Variants in PDE4D observed in about 807,000 individuals in gnomAD.
PDE4D encodes 3',5'-cyclic-AMP phosphodiesterase 4D.
A neutral mutation model predicts 87.4 loss-of-function variants in PDE4D; 24 were observed. The ratio of observed to expected loss-of-function variants is 0.27; its 90% CI spans 0.20 to 0.39. The LOEUF is 0.39. Among genes scored for constraint, PDE4D ranks in the 10% least tolerant of loss-of-function variants. The pLI is 1.00. For synonymous variants in PDE4D, 384 were observed against 383.2 expected (o/e 1.00, Z -0.02); for missense variants, 714 against 1,041.0 (o/e 0.69, Z 4.32).
chr5:60,215,447 A>G (rs940255224), intron 1 of PDE4D, among the ~76,000 whole-genome samples: 3 of 152,140 alleles, frequency 2.0e-5, no homozygotes, highest in Admixed American at 1.3e-4. Context: ...ATATGAATCT[A>G]TCTCTTACCC....
chr5:60,314,368 T>C (rs1755340973), intron 1 of PDE4D, among the ~76,000 whole-genome samples: 1 of 152,090 alleles, frequency 6.6e-6, no homozygotes, highest in South Asian at 2.1e-4. Flanking sequence ...GGTTTCACCA[T>C]GTTGCCCAGG....
intron 1 of PDE4D, among the ~76,000 whole-genome samples, chr5:59,521,767 T>C (rs1252929350): frequency 2.0e-5 from 3 of 152,212 alleles, no homozygotes; most frequent in African/African-American, 7.2e-5. Context: ...TGTCCTCTTC[T>C]TATTTGATCC....
intron 1 of PDE4D, among the ~76,000 whole-genome samples, chr5:60,326,564 C>T (rs888397409): frequency 3.9e-5 from 6 of 152,048 alleles, no homozygotes; most frequent in Non-Finnish European, 7.4e-5. Context: ...AACAACCAGT[C>T]GAGTGACCCA....
intron 1 of PDE4D, among the ~76,000 whole-genome samples, chr5:60,362,950 T>G (rs1164031119): frequency 6.6e-6 from 1 of 152,204 alleles, no homozygotes; most frequent in Non-Finnish European, 1.5e-5. Flanking sequence ...ATGAGCCACT[T>G]ATAAACAATT....
At chr5:59,135,306 T>C (rs114287735) in intron 5 of PDE4D, among the ~76,000 whole-genome samples, 3 of 152,252 alleles carry the variant, frequency 2.0e-5, no homozygotes, top group African/African-American at 7.2e-5. Flanking sequence ...GTCCATTTTA[T>C]GAGTACTTTG....
At chr5:60,357,524 G>A (rs1489311364) in intron 1 of PDE4D, among the ~76,000 whole-genome samples, 1 of 151,874 alleles carries the variant, frequency 6.6e-6, no homozygotes, top group African/African-American at 2.4e-5. Context: ...TCTTATCCTG[G>A]GACTAGAGCC....
chr5:59,556,727 T>C (rs1818994526), intron 1 of PDE4D, among the ~76,000 whole-genome samples: 1 of 152,186 alleles, frequency 6.6e-6, no homozygotes, highest in Non-Finnish European at 1.5e-5. Flanking sequence ...ATTATTGAAA[T>C]ATTCACTTTC....
intron 2 of PDE4D, among the ~76,000 whole-genome samples, chr5:60,152,985 T>C (rs1384057659): frequency 6.6e-6 from 1 of 152,142 alleles, no homozygotes; most frequent in Non-Finnish European, 1.5e-5. Context: ...ATTTCTTGGA[T>C]ATGACATCAA....
chr5:60,325,525 G>A (rs895386405), intron 1 of PDE4D, among the ~76,000 whole-genome samples: 3 of 152,072 alleles, frequency 2.0e-5, no homozygotes, highest in South Asian at 4.1e-4. Context: ...TTTAAGAAAC[G>A]GATGGGTAAC....
chr5:59,186,384 T>C (rs1177614509), intron 3 of PDE4D, among the ~76,000 whole-genome samples: 1 of 152,154 alleles, frequency 6.6e-6, no homozygotes, highest in Non-Finnish European at 1.5e-5. Context: ...GCCTGGCAAA[T>C]AGAAAGCATT....
intron 1 of PDE4D, among the ~76,000 whole-genome samples, chr5:60,516,678 A>T (rs1450197623): frequency 6.6e-6 from 1 of 152,258 alleles, no homozygotes; most frequent in Non-Finnish European, 1.5e-5. Context: ...AACAATAATG[A>T]GAATTAATAT....
At chr5:59,187,543 T>G (rs1273024811) in intron 3 of PDE4D, among the ~76,000 whole-genome samples, 5 of 152,204 alleles carry the variant, frequency 3.3e-5, no homozygotes, top group African/African-American at 1.2e-4. Flanking sequence ...TTTTACATAA[T>G]TACAAGCTAT....
chr5:60,163,440 AGTCTTTCCTC>A (rs1390951186), intron 2 of PDE4D, among the ~76,000 whole-genome samples: 1 of 152,178 alleles, frequency 6.6e-6, no homozygotes, highest in Non-Finnish European at 1.5e-5. Context: ...TGTTTCCAGC[AGTCTTTCCTC>A]TTTATAATAG....
chr5:59,896,732 C>T (rs1228745033), upstream of PDE4D, among the ~76,000 whole-genome samples: 3 of 152,218 alleles, frequency 2.0e-5, no homozygotes, highest in Non-Finnish European at 4.4e-5. Context: ...GTCTCAAATA[C>T]TTCTAGGGAA....
intron 5 of PDE4D, chr5:59,166,441 A>G (rs1781936009): frequency 1.3e-5 from 2 of 152,190 alleles, no homozygotes; most frequent in South Asian, 4.1e-4. Flanking sequence ...GGGTCTGTAG[A>G]AAGACAGACT....
intron 1 of PDE4D, among the ~76,000 whole-genome samples, chr5:59,616,945 A>ATATATCTC: frequency 7.3e-6 from 1 of 137,278 alleles, no homozygotes; most frequent in Non-Finnish European, 1.6e-5. Context: ...ATATATATAT[A>ATATATCTC]TCTCCAAGAT....
At chr5:59,315,884 A>G (rs773636495) in intron 1 of PDE4D, among the ~76,000 whole-genome samples, 7 of 152,178 alleles carry the variant, frequency 4.6e-5, no homozygotes, top group African/African-American at 7.2e-5. Context: ...GCTGGCCCAA[A>G]AGGAAGTATG....
Position 59,493,441 on chromosome 5 carries a change from C to T in PDE4D, c.456-277473G>A, listed in dbSNP as rs113410406. On this transcript the variant is annotated intron_variant, in intron 1 of 14. Coordinates refer to ENST00000340635, the MANE Select transcript of PDE4D (RefSeq NM_001104631.2). ...GGAATCGAGTTTACTATTTGGTAAA[C>T]AGTTCAATATACTGTAATAAACTAG... Among the ~76,000 whole-genome samples, 291 of 152,254 alleles carry T rather than the reference C, an allele frequency of 1.9e-3. 3 individuals are homozygous for T. The highest frequency in any genetic ancestry group is 6.8e-3 in the African/African-American group (281 of 41,556).
At chr5:59,928,544 C>T (rs577926843) in intron 3 of PDE4D, among the ~76,000 whole-genome samples, 77 of 152,150 alleles carry the variant, frequency 5.1e-4, no homozygotes, top group African/African-American at 1.6e-3. Flanking sequence ...TGCCTCTGCA[C>T]TCCAGCCTGG....
Sources: gnomAD v4.1 joint callset for allele counts (sites outside exome capture counted in the v4.1 genomes callset) on GRCh38, gnomAD v4.1.1 for gene constraint, MANE v1.5 for transcripts, NCBI Gene and HGNC (gene_info 2026-07-23, HGNC 2026-07-21) for gene names.